Variants in POMT2 observed in about 807,000 individuals in gnomAD.
POMT2 encodes protein O-mannosyltransferase 2.
A neutral mutation model predicts 100.0 loss-of-function variants in POMT2; 75 were observed. That is an observed-to-expected ratio of 0.75 (90% CI 0.62 to 0.91). The LOEUF (loss-of-function observed/expected upper bound fraction) is 0.91, where lower values mean the gene tolerates loss of function less well. Among genes scored for constraint, POMT2 ranks in the 40% least tolerant of loss-of-function variants. The pLI is 0.00. For missense variants in POMT2, 940 were observed against 955.1 expected (o/e 0.98, Z 0.21); for synonymous variants, 378 against 374.1 (o/e 1.01, Z -0.12).
At chr14:77,303,038 A>G in intron 4 of POMT2, 95 bp from the exon 5 acceptor site, 1 of 924,700 alleles carries the variant, frequency 1.1e-6, no homozygotes. Context: ...CCCTCTTGCC[A>G]CTTAATTGAG....
intron 11 of POMT2, among the ~76,000 whole-genome samples, chr14:77,288,248 G>C (rs531013876): frequency 2.7e-4 from 41 of 152,270 alleles, no homozygotes; most frequent in Non-Finnish European, 4.7e-4. Flanking sequence ...GCCTTTTTAT[G>C]CTCTTAAGAA....
intron 6 of POMT2, 57 bp from the exon 7 acceptor site, chr14:77,299,618 G>C (rs1433386682): frequency 1.6e-6 from 2 of 1,277,500 alleles, no homozygotes; most frequent in Non-Finnish European, 2.3e-6. Flanking sequence ...TATTCCTTAG[G>C]CACTATGCAT....
intron 2 of POMT2, chr14:77,306,786 C>G (rs767750827): frequency 1.8e-5 from 6 of 327,178 alleles, no homozygotes; most frequent in Non-Finnish European, 6.0e-6. Flanking sequence ...AAATAAAACA[C>G]GGCAGCTCTT....
intron 13 of POMT2, 60 bp from the exon 14 acceptor site, chr14:77,285,101 C>T: frequency 7.2e-7 from 1 of 1,388,056 alleles, no homozygotes; most frequent in Non-Finnish European, 1.0e-6. Context: ...CAGAGAGTGA[C>T]ACTGTCTTCT....
In POMT2 at chr14:77,281,641, A is replaced by G. The variant is rs118187335; in HGVS notation, c.1654-1178T>C. 1.7e-3 allele frequency among the ~76,000 whole-genome samples: 264 copies of G among 152,286 alleles called. 5 individuals carry two copies. The East Asian group carries it at 0.044, about 26-fold the overall frequency. On this transcript the variant is annotated intron_variant, in intron 15 of 20. Transcript: ENST00000261534. ...TTCCCCAGAAGGGGAGTCAGCTGCCATGACTTAGGCCGGAGCTTCTCCACC... is the reference window on the plus strand; with the variant it reads ...TTCCCCAGAAGGGGAGTCAGCTGCCGTGACTTAGGCCGGAGCTTCTCCACC...
At chr14:77,316,042 T>G (rs568990921) in intron 1 of POMT2, among the ~76,000 whole-genome samples, 1 of 152,228 alleles carries the variant, frequency 6.6e-6, no homozygotes, top group South Asian at 2.1e-4. Context: ...AACAACTTTG[T>G]GGCTGCTGGA....
chr14:77,284,796 A>G (rs1890359224), intron 14 of POMT2, among the ~76,000 whole-genome samples, 154 bp downstream of exon 14: 1 of 152,240 alleles, frequency 6.6e-6, no homozygotes, highest in South Asian at 2.1e-4. Flanking sequence ...TATGCTATGT[A>G]GGTACAGACA....
At chr14:77,304,957 A>T (rs191623957) in intron 3 of POMT2, among the ~76,000 whole-genome samples, 157 bp from the exon 4 acceptor site, 32 of 152,248 alleles carry the variant, frequency 2.1e-4, no homozygotes, top group African/African-American at 7.5e-4. Flanking sequence ...AGAAAAGAGT[A>T]TTGTAATAGT....
At chr14:77,287,524 C>G (rs537568355) in intron 11 of POMT2, 6 of 102,518 alleles carry the variant, frequency 5.9e-5, no homozygotes, top group East Asian at 5.9e-4. Context: ...CTCTGTCTCT[C>G]TCTCTCTCTC....
rs1891871980 is a variant in POMT2 at position 77,320,831 on chromosome 14, C to A, written c.-150G>T. The A allele has an allele frequency of 7.6e-7, 1 of 1,318,450 alleles. No homozygotes were observed. The highest frequency in any genetic ancestry group is 9.7e-7 in the Non-Finnish European group (1 of 1,035,398). The allele number at this position is 1,318,450 out of a possible 1,614,324, so 81.7% of individuals were successfully genotyped here. A position where few individuals can be genotyped will look rare whatever the true frequency, so the allele number is the denominator to read the frequency against. ...GGAGCGCGGGGCCCCGGGCTCGGGGCGGGGCGGGCAGCGTGGTCGCGGCCC... is the reference window on the plus strand; with the variant it reads ...GGAGCGCGGGGCCCCGGGCTCGGGGAGGGGCGGGCAGCGTGGTCGCGGCCC... On this transcript the variant is annotated 5_prime_UTR_variant, in exon 1 of 21. Transcript: ENST00000261534.
rs768585252 is a variant in POMT2 at position 77,320,581 on chromosome 14, G to A, written c.101C>T (p.Ala34Val). The change falls in exon 1 of 21, where the codon GCC (alanine) becomes GTC (valine). Residue 34 changes from alanine to valine, a missense_variant. Coordinates refer to ENST00000261534, the MANE Select transcript of POMT2 (RefSeq NM_013382.7). ...QAARAAGRDV[A>V]AEAVARSPKR... ...GGGGCTTCGCGCCACAGCCTCAGCG[G>A]CCACGTCCCGGCCTGCGGCCCTAGC... 9.5e-6 allele frequency: 15 copies of A among 1,576,580 alleles called. No individual in the cohort carries two copies. Among genetic ancestry groups the A allele is most frequent in the South Asian group, 5.7e-5 (5 of 88,362 alleles).
chr14:77,307,858 CTTTTTTTTTT>C (rs57755259), intron 2 of POMT2, among the ~76,000 whole-genome samples: 3 of 101,228 alleles, frequency 3.0e-5, no homozygotes, highest in East Asian at 2.9e-4. Flanking sequence ...TTAATTTCTT[CTTTTTTTTTT>C]TTTTTTTTTT....
At chr14:77,307,469 G>A (rs558869405) in intron 2 of POMT2, among the ~76,000 whole-genome samples, 37 of 152,358 alleles carry the variant, frequency 2.4e-4, no homozygotes, top group African/African-American at 8.4e-4. Context: ...AAGGAAGGCA[G>A]GGACCCCAGG....
chr14:77,320,619 ACAGCGGCCCCTCCGGGGACG>A lies in POMT2; in HGVS notation c.43_62del (p.Arg15TrpfsTer6). The A allele has an allele frequency of 6.3e-7, 1 of 1,590,158 alleles. No homozygotes were observed. The highest frequency in any genetic ancestry group is 8.5e-7 in the Non-Finnish European group (1 of 1,176,060). The stretch of plus-strand genomic sequence containing the variant: ...CTGCGGCCCTAGCAGCCTGGGGGCC[ACAGCGGCCCCTCCGGGGACG>A]CAGCTCGGACTCTGCCAGGCCTCCG... On this transcript the variant is annotated frameshift_variant, in exon 1 of 21. Transcript: ENST00000261534. LOFTEE classifies it high-confidence loss of function.
intron 3 of POMT2, among the ~76,000 whole-genome samples, chr14:77,305,622 C>T (rs1408097022): frequency 6.6e-6 from 1 of 152,218 alleles, no homozygotes; most frequent in Non-Finnish European, 1.5e-5. Context: ...TATTTAAATG[C>T]TGTGAAATCC....
rs775963305 is a variant in POMT2, at chr14:77,298,767, G to T, written c.928C>A (p.Pro310Thr). 6.2e-7 allele frequency: 1 copy of T among 1,612,382 alleles called. No individual in the cohort carries two copies. Among genetic ancestry groups the T allele is most frequent in the East Asian group, 2.2e-5 (1 of 44,862 alleles). ...GCAGAACTGAAGAAACCGTCACCAGGGCCACTGTGGGGAGAGGAAGAGCAG... is the reference window on the plus strand; with the variant it reads ...GCAGAACTGAAGAAACCGTCACCAGTGCCACTGTGGGGAGAGGAAGAGCAG... ...VHFMVLSKSG[P>T]GDGFFSSAFQ... The change falls in exon 8 of 21, where the codon CCT (proline) becomes ACT (threonine). Residue 310 changes from proline (P) to threonine (T), a missense_variant. Pro to Thr is a conservative substitution (Grantham distance 38). Transcript: ENST00000261534.
In POMT2 at chr14:77,320,602, C is replaced by A; in HGVS notation, c.80G>T (p.Arg27Met). The A allele has an allele frequency of 6.3e-7, 1 of 1,587,026 alleles. No homozygotes were observed. The highest frequency in any genetic ancestry group is 1.3e-5 in the African/African-American group (1 of 74,620). ...RRGRCGPQAA[R>M]AAGRDVAAEA... The stretch of plus-strand genomic sequence containing the variant: ...AGCGGCCACGTCCCGGCCTGCGGCC[C>A]TAGCAGCCTGGGGGCCACAGCGGCC... Residue 27 changes from arginine to methionine, a missense_variant, in exon 1 of 21, where the codon AGG (arginine) becomes ATG (methionine). Coordinates refer to ENST00000261534, the MANE Select transcript of POMT2 (RefSeq NM_013382.7).
At chr14:77,306,109 TTCTA>T in intron 3 of POMT2, 1 of 599,340 alleles carries the variant, frequency 1.7e-6, no homozygotes, top group Non-Finnish European at 2.7e-6. Context: ...GCGTGCCTGC[TTCTA>T]TCTATGTCAT....
At chr14:77,314,448 A>G (rs926942319) in intron 1 of POMT2, among the ~76,000 whole-genome samples, 1 of 152,210 alleles carries the variant, frequency 6.6e-6, no homozygotes, top group South Asian at 2.1e-4. Context: ...CATGCAAAAA[A>G]CAGTGACAGG....
Sources: gnomAD v4.1 joint callset for allele counts (sites outside exome capture counted in the v4.1 genomes callset) on GRCh38, gnomAD v4.1.1 for gene constraint, MANE v1.5 for transcripts, NCBI Gene and HGNC (gene_info 2026-07-23, HGNC 2026-07-21) for gene names.